The following DDIAS variants were observed in gnomAD, a reference collection of about 807,000 sequenced individuals.
DDIAS encodes DNA damage induced apoptosis suppressor.
Under a neutral mutation model 15.7 loss-of-function variants are expected in DDIAS, and 14 were observed. That is an observed-to-expected ratio of 0.89 (90% CI 0.59 to 1.39). The LOEUF is 1.39. DDIAS is among the 40% of genes most tolerant of loss of function. DDIAS has a pLI of 0.00. For synonymous variants in DDIAS, 355 were observed against 395.9 expected (o/e 0.90, Z 1.23); for missense variants, 1,035 against 1,130.9 (o/e 0.92, Z 1.22).
chr11:82,932,336 G>A lies in DDIAS; in HGVS notation c.998G>A (p.Gly333Glu). The change falls in exon 6 of 6, where the codon GGA (glycine) becomes GAA (glutamate). Residue 333 changes from glycine (G) to glutamate (E), a missense_variant. By Grantham distance (98) the Gly-to-Glu change is moderately conservative. Coordinates refer to ENST00000533655, the MANE Select transcript of DDIAS (RefSeq NM_145018.4). ...SAVHSSHHEI[G>E]VNDSNLFSLE... Reference sequence around the variant, plus strand: ...GTTCACAGCAGTCATCATGAAATTGGAGTTAATGACTCTAATTTATTCTCT... The same window carrying A: ...GTTCACAGCAGTCATCATGAAATTGAAGTTAATGACTCTAATTTATTCTCT... 1 of 1,614,026 alleles carries A rather than the reference G, an allele frequency of 6.2e-7. No homozygotes were observed. The highest frequency in any genetic ancestry group is 1.1e-5 in the South Asian group (1 of 91,076).
At chr11:82,917,685 T>C (rs944844653) in intron 3 of DDIAS, among the ~76,000 whole-genome samples, 14 of 152,238 alleles carry the variant, frequency 9.2e-5, no homozygotes, top group African/African-American at 3.4e-4. Context: ...CTGGATCAAA[T>C]AGTAGTTCTA....
intron 3 of DDIAS, among the ~76,000 whole-genome samples, chr11:82,918,087 C>T (rs1860667245): frequency 6.6e-6 from 1 of 152,180 alleles, no homozygotes; most frequent in East Asian, 1.9e-4. Flanking sequence ...TGTGGGTTGT[C>T]TGTTCACTCT....
chr11:82,911,686 A>G (rs1198477823), intron 1 of DDIAS, among the ~76,000 whole-genome samples: 3 of 152,234 alleles, frequency 2.0e-5, no homozygotes, highest in Non-Finnish European at 4.4e-5. Flanking sequence ...CCCATAAATC[A>G]TGAATGTTCT....
Position 82,932,547 on chromosome 11 carries a change from CAGTTCCCAGG to C in DDIAS, c.1211_1220del (p.Ser404MetfsTer16), listed in dbSNP as rs1861018643. ...TACTCAGACTTGAAGAGACAGCCAG[CAGTTCCCAGG>C]ATGGTGACCCTCAAATTTGGGATGA... On this transcript the variant is annotated frameshift_variant, in exon 6 of 6. Coordinates refer to ENST00000533655, the MANE Select transcript of DDIAS (RefSeq NM_145018.4). LOFTEE classifies it low-confidence loss of function (END_TRUNC). The C allele has an allele frequency of 1.9e-6, 3 of 1,614,078 alleles. No individual in the cohort carries two copies. The highest frequency in any genetic ancestry group is 2.5e-6 in the Non-Finnish European group (3 of 1,180,046).
chr11:82,934,606 A>G lies in DDIAS; in HGVS notation c.*271A>G, dbSNP rs900231435. 1.6e-5 allele frequency: 5 copies of G among 304,756 alleles called. No individual in the cohort carries two copies. Among genetic ancestry groups the G allele is most frequent in the Non-Finnish European group, 2.4e-5 (4 of 169,202 alleles). 18.9% of individuals were successfully genotyped at this position (304,756 alleles called of 1,614,324 possible). ...TGTTAAGATTGTTTTTGAAAGTATT[A>G]ATGTTTGTTAAAATCACATATACAT... On this transcript the variant is annotated 3_prime_UTR_variant, in exon 6 of 6. Transcript: ENST00000533655.
At chr11:82,913,774 C>T (rs982794160) in intron 2 of DDIAS, 5 of 408,388 alleles carry the variant, frequency 1.2e-5, no homozygotes, top group Non-Finnish European at 2.4e-5. Flanking sequence ...TTGAATATAC[C>T]TTATCTGAAA....
At chr11:82,920,808 T>C (rs139653081) in intron 3 of DDIAS, among the ~76,000 whole-genome samples, 4,272 of 152,332 alleles carry the variant, frequency 0.028, 91 homozygotes, top group South Asian at 0.065. Context: ...TGGTCTATCT[T>C]GGAGAAAGTT....
At chr11:82,913,701 T>TA (rs961147142) in intron 2 of DDIAS, 1 of 448,902 alleles carries the variant, frequency 2.2e-6, no homozygotes, top group Non-Finnish European at 4.4e-6. Flanking sequence ...ATATTTCAGC[T>TA]AAAAAAGAAC....
chr11:82,930,191 C>A lies in DDIAS; in HGVS notation c.310C>A (p.Leu104Met), dbSNP rs145120060. The A allele has an allele frequency of 6.8e-5, 109 of 1,599,364 alleles. No individual in the cohort carries two copies. The African/African-American group carries it at 1.3e-3, about 19-fold the overall frequency. ...GGATCCTAATAAAATTCCAGAAACA[C>A]TGGACAATGATACAACTCAGAATCT... ...IQDPNKIPET[L>M]DNDTTQNLLT... Residue 104 changes from leucine (L) to methionine (M), a missense_variant, in exon 5 of 6, where the codon CTG becomes ATG. By Grantham distance (15) the Leu-to-Met change is conservative. Coordinates refer to ENST00000533655, the MANE Select transcript of DDIAS (RefSeq NM_145018.4).
chr11:82,917,465 A>G (rs1338111124), intron 3 of DDIAS, among the ~76,000 whole-genome samples: 1 of 152,144 alleles, frequency 6.6e-6, no homozygotes, highest in Non-Finnish European at 1.5e-5. Context: ...GGAGACTGCA[A>G]TGCCATTAAT....
intron 3 of DDIAS, among the ~76,000 whole-genome samples, chr11:82,927,574 A>G (rs1860888418): frequency 6.6e-6 from 1 of 152,186 alleles, no homozygotes; most frequent in African/African-American, 2.4e-5. Flanking sequence ...TGAAGAAAAA[A>G]CAAAATTCTA....
At chr11:82,911,649 C>T (rs1733338265) in intron 1 of DDIAS, among the ~76,000 whole-genome samples, 2 of 152,180 alleles carry the variant, frequency 1.3e-5, no homozygotes, top group African/African-American at 4.8e-5. Context: ...TTCCAAACTC[C>T]AATTAGTGTG....
chr11:82,933,216 A>G lies in DDIAS; in HGVS notation c.1878A>G (p.Thr626=). Residue 626 remains threonine, a synonymous_variant, in exon 6 of 6, where the codon ACA becomes ACG. Transcript: ENST00000533655. ...RWSKNQDDSF[T]ICRKLTYPLE... is the part of the protein sequence containing the mutation. ...CCAAGAACCAAGATGACAGTTTTAC[A>G]ATTTGCAGGAAACTTACATATCCTT... 6.2e-7 allele frequency: 1 copy of G among 1,611,844 alleles called. No homozygotes were observed. Among genetic ancestry groups the G allele is most frequent in the Non-Finnish European group, 8.5e-7 (1 of 1,179,562 alleles).
At chr11:82,931,329 C>G (rs1044756448) in intron 5 of DDIAS, among the ~76,000 whole-genome samples, 1 of 152,048 alleles carries the variant, frequency 6.6e-6, no homozygotes, top group Non-Finnish European at 1.5e-5. Flanking sequence ...ATAGTTGTAT[C>G]TGTTTTAACC....
At chr11:82,916,592 T>C (rs1339299094) in intron 3 of DDIAS, among the ~76,000 whole-genome samples, 1 of 152,222 alleles carries the variant, frequency 6.6e-6, no homozygotes, top group East Asian at 1.9e-4. Flanking sequence ...TTTCCAGTCA[T>C]TTATTTTAAA....
intron 1 of DDIAS, among the ~76,000 whole-genome samples, chr11:82,908,757 G>A (rs77846408): frequency 6.6e-6 from 1 of 152,064 alleles, no homozygotes; most frequent in Non-Finnish European, 1.5e-5. Context: ...AACGAACTTC[G>A]CTCTGCCTTT....
rs1301161855 is a variant in DDIAS at position 82,932,880 on chromosome 11, T to C, written c.1542T>C (p.Asp514=). Residue 514 remains aspartate, a synonymous_variant, in exon 6 of 6, where the codon GAT becomes GAC. Coordinates refer to ENST00000533655, the MANE Select transcript of DDIAS (RefSeq NM_145018.4). ...GTGTTGAAAAGGAGTCACAACCAGA[T>C]AACAAAGTAGAGGCTGTCTCTGTAA... ...SPSVEKESQP[D]NKVEAVSVNH... 2 of 1,613,300 alleles carry C rather than the reference T, an allele frequency of 1.2e-6. No homozygotes were observed.
intron 3 of DDIAS, among the ~76,000 whole-genome samples, chr11:82,923,861 G>T (rs75191807): frequency 6.6e-6 from 1 of 152,156 alleles, no homozygotes; most frequent in East Asian, 1.9e-4. Context: ...ATATGAAGCA[G>T]TAACTACACA....
chr11:82,921,931 T>C (rs1860763223), intron 3 of DDIAS, among the ~76,000 whole-genome samples: 1 of 152,178 alleles, frequency 6.6e-6, no homozygotes, highest in South Asian at 2.1e-4. Context: ...CAGCATTTGT[T>C]TGTCTGAGAA....
Sources: gnomAD v4.1 joint callset for allele counts (sites outside exome capture counted in the v4.1 genomes callset) on GRCh38, gnomAD v4.1.1 for gene constraint, MANE v1.5 for transcripts, NCBI Gene and HGNC (gene_info 2026-07-23, HGNC 2026-07-21) for gene names.